MX2: variants seen among roughly 807,000 people sequenced by gnomAD.
MX2 encodes MX dynamin like GTPase 2, also known as interferon-induced GTP-binding protein Mx2.
Under a neutral mutation model 74.0 loss-of-function variants are expected in MX2, and 51 were observed. The observed-to-expected ratio is 0.69, with a 90% confidence interval of 0.55 to 0.87. The LOEUF is 0.87. Among genes scored for constraint, MX2 ranks in the 40% least tolerant of loss-of-function variants. MX2 has a pLI of 0.00. For missense variants in MX2, 832 were observed against 908.7 expected, an observed-to-expected ratio of 0.92 and a Z score of 1.09; for synonymous variants, 369 against 339.3, an observed-to-expected ratio of 1.09 and a Z score of -0.96.
At chr21:41,371,872 A>G (rs991113758) in intron 1 of MX2, among the ~76,000 whole-genome samples, 8 of 152,172 alleles carry the variant, frequency 5.3e-5, no homozygotes, top group African/African-American at 1.9e-4. Context: ...GCTTACAGAT[A>G]GAGGCCAAGA....
At chr21:41,387,652 C>T (rs1458402657) in intron 5 of MX2, among the ~76,000 whole-genome samples, 1 of 152,190 alleles carries the variant, frequency 6.6e-6, no homozygotes, top group African/African-American at 2.4e-5. Context: ...CCTGCTATGT[C>T]CCTGAACTAC....
In MX2 at chr21:41,366,099, C is replaced by T. The variant is rs1212171727; in HGVS notation, c.-72+4044C>T. ...GGTGCCCGCCACCCAAAATAAATTC[C>T]TGGCAGTTCTATTTACTAATTAGGT... is the stretch of plus-strand genomic sequence containing the variant. On this transcript the variant is annotated intron_variant, in intron 1 of 13. Transcript: ENST00000330714. This position sits in a 1 kb window ranked among gnomAD's most constrained non-coding sequence, Gnocchi z 4.5. The T allele has an allele frequency of 2.0e-5, 3 of 152,352 alleles. No individual in the cohort carries two copies. The East Asian group carries it at 5.8e-4, about 29-fold the overall frequency. The allele number at this position is 152,352 out of a possible 1,614,324, so 9.4% of individuals were successfully genotyped here.
At chr21:41,403,391 T>A in intron 12 of MX2, 48 bp downstream of exon 12, 1 of 1,451,102 alleles carries the variant, frequency 6.9e-7, no homozygotes, top group Non-Finnish European at 9.7e-7. Flanking sequence ...ACTGGCTGTT[T>A]AACCTTGAGA....
intron 6 of MX2, among the ~76,000 whole-genome samples, chr21:41,393,126 A>AAAAAAAAAAAG: frequency 7.1e-6 from 1 of 141,212 alleles, no homozygotes; most frequent in Non-Finnish European, 1.5e-5. Flanking sequence ...AAAAAAAAAA[A>AAAAAAAAAAAG]AAAAAGAAAG....
rs1187632399 is a variant in MX2 at position 41,380,810 on chromosome 21, T to C, written c.577+659T>C. 6.6e-6 allele frequency among the ~76,000 whole-genome samples: 1 copy of C among 152,328 alleles called. No individual in the cohort carries two copies. Among genetic ancestry groups the C allele is most frequent in the Non-Finnish European group, 1.5e-5 (1 of 68,016 alleles). On this transcript the variant is annotated intron_variant, in intron 4 of 13. Coordinates refer to ENST00000330714, the MANE Select transcript of MX2 (RefSeq NM_002463.2). This position sits in a 1 kb window ranked among gnomAD's most constrained non-coding sequence, Gnocchi z 4.3. ...CGAGGGGCCCTAGTGGTTACGTCCC[T>C]TGGAGTGCACAGCCCTGCCTGCCCC...
intron 12 of MX2, 196 bp downstream of exon 12, chr21:41,403,539 C>A (rs767714477): frequency 4.0e-6 from 3 of 749,824 alleles, no homozygotes; most frequent in African/African-American, 1.7e-5. Flanking sequence ...GCTCAGGAGG[C>A]GGCTTCACTC....
At position 41,406,913 on chromosome 21, in the gene MX2, T is replaced by C; in HGVS notation, c.1820T>C (p.Met607Thr). ...FNPLGTPSQN[M>T]KLNSHFPSNE... The stretch of plus-strand genomic sequence containing the variant: ...CCTCTGGGGACGCCTTCACAGAATA[T>C]GAAGTTGAACTCTCATTTTCCCAGT... The change falls in exon 13 of 14, where the codon ATG (methionine) becomes ACG (threonine). Residue 607 changes from methionine to threonine, a missense_variant. Coordinates refer to ENST00000330714, the MANE Select transcript of MX2 (RefSeq NM_002463.2). 1 of 1,614,162 alleles carries C rather than the reference T, an allele frequency of 6.2e-7. No homozygotes were observed. The highest frequency in any genetic ancestry group is 8.5e-7 in the Non-Finnish European group (1 of 1,180,022).
At chr21:41,378,344 G>A (rs118084125) in intron 3 of MX2, among the ~76,000 whole-genome samples, 3,799 of 120,070 alleles carry the variant, frequency 0.032, 63 homozygotes, top group Non-Finnish European at 0.044. Flanking sequence ...CCACTGGGAG[G>A]GCCCTAGGAG....
In MX2 at chr21:41,367,963, C is replaced by T. The variant is rs534685160; in HGVS notation, c.-72+5908C>T. On this transcript the variant is annotated intron_variant, in intron 1 of 13. Transcript: ENST00000330714. The stretch of plus-strand genomic sequence containing the variant: ...CACCCTGACAGCCACCTTGTCTTCT[C>T]TTTTCTCCTCTTCTCTCACCAGCTG... 2.6e-5 allele frequency among the ~76,000 whole-genome samples: 4 copies of T among 152,322 alleles called. No individual in the cohort carries two copies. The South Asian group carries it at 8.3e-4, about 32-fold the overall frequency.
chr21:41,407,656 G>A (rs73228038), intron 13 of MX2, among the ~76,000 whole-genome samples: 275 of 152,338 alleles, frequency 1.8e-3, no homozygotes, highest in Non-Finnish European at 3.1e-3. Context: ...ATTCGAAACG[G>A]CCCTGGTGCA....
At position 41,380,090 on chromosome 21, in the gene MX2, C is replaced by T; in HGVS notation, c.516C>T (p.Ser172=). The part of the protein sequence containing the change: ...QPCEAWAGRI[S]YRNTELELQD... Reference sequence around the variant, plus strand: ...GTGAGGCATGGGCCGGAAGGATCAGCTACCGGAACACCGAGCTAGAGCTTC... The same window carrying T: ...GTGAGGCATGGGCCGGAAGGATCAGTTACCGGAACACCGAGCTAGAGCTTC... Residue 172 remains serine, a synonymous_variant, in exon 4 of 14, where the codon AGC becomes AGT. Coordinates refer to ENST00000330714, the MANE Select transcript of MX2 (RefSeq NM_002463.2). The surrounding 1 kb of genome is among the most constrained non-coding windows in gnomAD (Gnocchi z 4.3). 6.2e-7 allele frequency: 1 copy of T among 1,614,016 alleles called. No homozygotes were observed. Among genetic ancestry groups the T allele is most frequent in the Middle Eastern group, 1.7e-4 (1 of 6,056 alleles).
intron 6 of MX2, among the ~76,000 whole-genome samples, 162 bp downstream of exon 6, chr21:41,390,865 G>T (rs951058798): frequency 6.6e-6 from 1 of 152,206 alleles, no homozygotes; most frequent in Non-Finnish European, 1.5e-5. Flanking sequence ...AATTAGTCGG[G>T]CATGGTGGCT....
At chr21:41,377,215 G>A (rs980666054) in intron 2 of MX2, 60 bp downstream of exon 2, 3 of 1,594,386 alleles carry the variant, frequency 1.9e-6, no homozygotes, top group Admixed American at 3.4e-5. Context: ...GCAGAGGGCT[G>A]TCATGTAAGC....
Position 41,402,693 on chromosome 21 carries a change from C to A in MX2, c.1573+565C>A. 1 of 157,024 alleles carries A rather than the reference C, an allele frequency of 6.4e-6. No homozygotes were observed. Among genetic ancestry groups the A allele is most frequent in the Non-Finnish European group, 1.4e-5 (1 of 70,658 alleles). 9.7% of individuals were successfully genotyped at this position (157,024 alleles called of 1,614,324 possible). Reference sequence around the variant, plus strand: ...ATTGTAATATATAATGAAATAATTACACAGCTCACCAAAATATAGAATCCT... The same window carrying A: ...ATTGTAATATATAATGAAATAATTAAACAGCTCACCAAAATATAGAATCCT... On this transcript the variant is annotated intron_variant, in intron 11 of 13. Transcript: ENST00000330714. This position sits in a 1 kb window ranked among gnomAD's most constrained non-coding sequence, Gnocchi z 4.5.
rs1367956755 is a variant in MX2 at position 41,401,957 on chromosome 21, T to C, written c.1415-13T>C. On this transcript the variant is annotated splice_polypyrimidine_tract_variant and intron_variant, in intron 10 of 13. Transcript: ENST00000330714. The stretch of plus-strand genomic sequence containing the variant: ...TAGCAGAATTCACCATGGAGGTCTG[T>C]TTGATGTTGCAGTTAAAAATATTAT... The C allele has an allele frequency of 3.1e-6, 5 of 1,610,666 alleles. No individual in the cohort carries two copies. In the African/African-American group the frequency reaches 6.7e-5, roughly 22 times the overall value.
Position 41,381,144 on chromosome 21 carries a change from C to T in MX2, c.577+993C>T, listed in dbSNP as rs573564581. Among the ~76,000 whole-genome samples, 326 of 152,328 alleles carry T rather than the reference C, an allele frequency of 2.1e-3. 1 individual carries two copies. Among genetic ancestry groups the T allele is most frequent in the African/African-American group, 7.5e-3 (311 of 41,568 alleles). On this transcript the variant is annotated intron_variant, in intron 4 of 13. Coordinates refer to ENST00000330714, the MANE Select transcript of MX2 (RefSeq NM_002463.2). ...GTCTTCACTCCAATTTCCGTGTTCA[C>T]CCCTCTAAAACAGAAGCTGCTGGAT...
At chr21:41,393,408 G>A (rs2089689757) in intron 6 of MX2, among the ~76,000 whole-genome samples, 1 of 152,118 alleles carries the variant, frequency 6.6e-6, no homozygotes, top group Non-Finnish European at 1.5e-5. Context: ...CTGCACTGAG[G>A]AGCACATGGT....
In MX2 at chr21:41,402,984, C is replaced by T. The variant is rs2089833883; in HGVS notation, c.1574-283C>T. ...GGACACGGACTGGAACTGGTCCAGC[C>T]TGGGAGTTGGGGACCCCTGATGTAA... On this transcript the variant is annotated intron_variant, in intron 11 of 13. Transcript: ENST00000330714. This position sits in a 1 kb window ranked among gnomAD's most constrained non-coding sequence, Gnocchi z 4.5. The T allele has an allele frequency of 5.3e-6, 2 of 374,578 alleles. No homozygotes were observed. The highest frequency in any genetic ancestry group is 1.0e-5 in the Non-Finnish European group (2 of 196,578). The allele number at this position is 374,578 out of a possible 1,614,324, so 23.2% of individuals were successfully genotyped here. A position where few individuals can be genotyped will look rare whatever the true frequency, so the allele number is the denominator to read the frequency against.
At chr21:41,376,690 C>T (rs1047066023) in intron 1 of MX2, 146 bp from the exon 2 acceptor site, 2 of 601,706 alleles carry the variant, frequency 3.3e-6, no homozygotes, top group South Asian at 2.0e-5. Flanking sequence ...CTCCTGCAGA[C>T]AGGGGCCCTG....
Sources: gnomAD v4.1 joint callset for allele counts (sites outside exome capture counted in the v4.1 genomes callset) on GRCh38, gnomAD v4.1.1 for gene constraint, Gnocchi (gnomAD v3.1) non-coding constraint, MANE v1.5 for transcripts, NCBI Gene and HGNC (gene_info 2026-07-23, HGNC 2026-07-21) for gene names.